MAP2: variants seen among roughly 807,000 people sequenced by gnomAD.
The protein encoded by MAP2 is microtubule-associated protein 2.
In MAP2, 14 loss-of-function variants were observed where a neutral mutation model predicts 137.6. The observed-to-expected ratio is 0.10, with a 90% CI of 0.07 to 0.16. MAP2 has a LOEUF of 0.16. MAP2 is among the 10% of genes least tolerant of loss of function. MAP2 has a pLI of 1.00. For missense variants in MAP2, 2,088 were observed against 2,191.5 expected (o/e 0.95, Z 0.94); for synonymous variants, 786 against 782.3 (o/e 1.00, Z -0.08).
intron 7 of MAP2, among the ~76,000 whole-genome samples, chr2:209,685,328 A>AT (rs1389691840): frequency 6.6e-6 from 1 of 152,172 alleles, no homozygotes; most frequent in Non-Finnish European, 1.5e-5. Context: ...TTTATTTAAA[A>AT]TTATTATGTC....
intron 7 of MAP2, among the ~76,000 whole-genome samples, chr2:209,685,985 A>C (rs778120558): frequency 9.2e-5 from 14 of 152,188 alleles, no homozygotes; most frequent in Non-Finnish European, 1.9e-4. Context: ...TCATTTATTG[A>C]TCATGAAAGT....
chr2:209,643,869 C>G (rs535400253), intron 4 of MAP2, among the ~76,000 whole-genome samples: 12 of 152,108 alleles, frequency 7.9e-5, no homozygotes, highest in Non-Finnish European at 1.3e-4. Context: ...AGTGAAAGAC[C>G]CAACTTCTAT....
intron 3 of MAP2, among the ~76,000 whole-genome samples, chr2:209,593,592 G>C (rs1250269142): frequency 1.2e-4 from 11 of 90,052 alleles, no homozygotes; most frequent in Admixed American, 3.6e-4. Flanking sequence ...AGACCAGCCT[G>C]GGCAACACAC....
intron 2 of MAP2, among the ~76,000 whole-genome samples, chr2:209,515,326 T>C (rs1006518312): frequency 6.6e-6 from 1 of 152,148 alleles, no homozygotes; most frequent in African/African-American, 2.4e-5. Context: ...TGAATATTAA[T>C]AAGTGTATTA....
intron 1 of MAP2, among the ~76,000 whole-genome samples, chr2:209,444,486 A>G (rs1002788593): frequency 6.6e-6 from 1 of 151,580 alleles, no homozygotes; most frequent in African/African-American, 2.4e-5. Flanking sequence ...TCAGTAAGTC[A>G]GTATCATTTA....
At chr2:209,612,224 T>G (rs1035033767) in intron 3 of MAP2, among the ~76,000 whole-genome samples, 2 of 152,232 alleles carry the variant, frequency 1.3e-5, no homozygotes, top group Non-Finnish European at 2.9e-5. Flanking sequence ...AAAGAGCTCT[T>G]TGCCAATATA....
chr2:209,714,002 G>A (rs2066495142), intron 13 of MAP2, among the ~76,000 whole-genome samples: 1 of 151,676 alleles, frequency 6.6e-6, no homozygotes, highest in Non-Finnish European at 1.5e-5. Flanking sequence ...GACCAGCCTG[G>A]CCAACATGGT....
chr2:209,613,836 GT>G (rs2087955002), intron 3 of MAP2, among the ~76,000 whole-genome samples: 1 of 152,102 alleles, frequency 6.6e-6, no homozygotes, highest in Non-Finnish European at 1.5e-5. Context: ...AGCTGATGTA[GT>G]CCCAGACGAG....
At chr2:209,673,125 T>C (rs1353459611) in intron 5 of MAP2, among the ~76,000 whole-genome samples, 3 of 151,870 alleles carry the variant, frequency 2.0e-5, no homozygotes, top group Admixed American at 1.3e-4. Context: ...TATCATCTAT[T>C]GCTCTGTTGC....
At chr2:209,633,510 AT>A (rs2093292597) in intron 4 of MAP2, among the ~76,000 whole-genome samples, 1 of 152,200 alleles carries the variant, frequency 6.6e-6, no homozygotes. Context: ...TTACTAAGTT[AT>A]GAGTAAAATA....
intron 3 of MAP2, among the ~76,000 whole-genome samples, chr2:209,620,437 G>A (rs1206807290): frequency 6.6e-6 from 1 of 152,144 alleles, no homozygotes; most frequent in African/African-American, 2.4e-5. Context: ...ATTATATTTT[G>A]AAATAAGTTT....
At chr2:209,606,088 GA>G (rs2084647146) in intron 3 of MAP2, among the ~76,000 whole-genome samples, 1 of 151,812 alleles carries the variant, frequency 6.6e-6, no homozygotes, top group Non-Finnish European at 1.5e-5. Flanking sequence ...GGGGGGTGTA[GA>G]AAAAAATTTC....
chr2:209,723,766 A>T (rs1056137320), intron 13 of MAP2: 1 of 918,998 alleles, frequency 1.1e-6, no homozygotes, highest in Admixed American at 1.8e-5. Flanking sequence ...CTTCTTTCCC[A>T]CCTCTTTCCA....
chr2:209,656,440 G>T (rs1478691078), intron 5 of MAP2, among the ~76,000 whole-genome samples: 3 of 151,934 alleles, frequency 2.0e-5, no homozygotes, highest in Non-Finnish European at 2.9e-5. Context: ...GCCCAGGGAG[G>T]TCAAGACTGC....
chr2:209,519,530 G>A (rs1410347424), intron 2 of MAP2, among the ~76,000 whole-genome samples: 1 of 151,988 alleles, frequency 6.6e-6, no homozygotes, highest in Non-Finnish European at 1.5e-5. Flanking sequence ...ATAGCCTCAA[G>A]GTTCTTGAGA....
chr2:209,583,986 G>A (rs773436280), intron 3 of MAP2, among the ~76,000 whole-genome samples: 5 of 151,746 alleles, frequency 3.3e-5, no homozygotes, highest in Non-Finnish European at 5.9e-5. Context: ...CACAATTACC[G>A]AGTGTTTAGC....
chr2:209,636,717 G>A (rs2093605625), intron 4 of MAP2, among the ~76,000 whole-genome samples: 1 of 151,918 alleles, frequency 6.6e-6, no homozygotes, highest in African/African-American at 2.4e-5. Flanking sequence ...ACTGAAACAT[G>A]AGGACAGGGA....
chr2:209,576,826 A>G (rs1373536067), intron 2 of MAP2, among the ~76,000 whole-genome samples: 1 of 152,228 alleles, frequency 6.6e-6, no homozygotes, highest in African/African-American at 2.4e-5. Flanking sequence ...AGAATATGAC[A>G]TACCTAAGGG....
intron 4 of MAP2, among the ~76,000 whole-genome samples, chr2:209,645,906 C>T (rs1007119309): frequency 2.6e-5 from 4 of 152,154 alleles, no homozygotes; most frequent in Admixed American, 1.3e-4. Flanking sequence ...GCAAAATAAG[C>T]TGGGCATGGT....
Sources: allele counts gnomAD v4.1 joint callset (sites outside exome capture counted in the v4.1 genomes callset), GRCh38; gene constraint gnomAD v4.1.1; transcripts MANE v1.5; gene names NCBI Gene and HGNC (gene_info 2026-07-23, HGNC 2026-07-21).